The following EXOC4 variants were observed in gnomAD, a reference collection of about 807,000 sequenced individuals.
The protein encoded by EXOC4 is SEC8-like 1.
Under a neutral mutation model 107.2 loss-of-function variants are expected in EXOC4, and 71 were observed. The ratio of observed to expected loss-of-function variants is 0.66; its 90% CI spans 0.55 to 0.81. EXOC4 has a LOEUF of 0.81. EXOC4 is among the 30% of genes least tolerant of loss of function. The probability of loss-of-function intolerance (pLI) is 0.00; values close to 1 mark genes in which losing one functional copy is unlikely to be tolerated. For missense variants in EXOC4, 1,108 were observed against 1,189.6 expected (o/e 0.93, Z 1.01); for synonymous variants, 456 against 441.2 (o/e 1.03, Z -0.42).
chr7:133,288,609 A>T (rs575247865), intron 2 of EXOC4, among the ~76,000 whole-genome samples: 4 of 152,304 alleles, frequency 2.6e-5, no homozygotes, highest in Middle Eastern at 3.4e-3. Context: ...TTTTAGATAT[A>T]TTAATATTTA....
At chr7:133,276,755 G>A (rs996028704) in intron 2 of EXOC4, among the ~76,000 whole-genome samples, 1 of 152,088 alleles carries the variant, frequency 6.6e-6, no homozygotes, top group African/African-American at 2.4e-5. Flanking sequence ...TATCTGCCCA[G>A]TAACAGCTGT....
chr7:134,019,350 C>A (rs1794978213), intron 17 of EXOC4, among the ~76,000 whole-genome samples: 1 of 152,048 alleles, frequency 6.6e-6, no homozygotes, highest in African/African-American at 2.4e-5. Context: ...AAGGAAAGCT[C>A]CTGCAAGACA....
At chr7:133,275,244 A>ACTACCATGGC in intron 2 of EXOC4, 73 bp downstream of exon 2, 1 of 1,245,566 alleles carries the variant, frequency 8.0e-7, no homozygotes, top group Non-Finnish European at 1.1e-6. Flanking sequence ...GAGAGGAGCC[A>ACTACCATGGC]TGGTAGTGGC....
At chr7:134,039,306 A>G (rs530130209) in intron 17 of EXOC4, among the ~76,000 whole-genome samples, 3 of 152,282 alleles carry the variant, frequency 2.0e-5, no homozygotes, top group South Asian at 2.1e-4. Flanking sequence ...GGAGTGCATG[A>G]TAAAGCTTCA....
At chr7:133,440,192 T>A (rs1008871602) in intron 7 of EXOC4, among the ~76,000 whole-genome samples, 1 of 152,202 alleles carries the variant, frequency 6.6e-6, no homozygotes, top group Non-Finnish European at 1.5e-5. Context: ...TCTTGAACAC[T>A]ACAATGGCTT....
intron 12 of EXOC4, among the ~76,000 whole-genome samples, chr7:133,903,406 G>A (rs1462916617): frequency 2.0e-5 from 3 of 152,184 alleles, no homozygotes; most frequent in African/African-American, 7.2e-5. Context: ...TTGCACTGTT[G>A]GTAGCAGCAG....
At chr7:133,605,357 A>T (rs1384585828) in intron 9 of EXOC4, among the ~76,000 whole-genome samples, 3 of 152,048 alleles carry the variant, frequency 2.0e-5, no homozygotes, top group Non-Finnish European at 4.4e-5. Context: ...TATTTCTATC[A>T]TTTTTATCAC....
chr7:133,461,085 G>T (rs1343595463), intron 7 of EXOC4, among the ~76,000 whole-genome samples: 2 of 152,188 alleles, frequency 1.3e-5, no homozygotes, highest in Non-Finnish European at 2.9e-5. Context: ...GTCCTTGAAA[G>T]AAGGCTAGAA....
At chr7:133,651,684 T>C (rs1349188064) in intron 10 of EXOC4, among the ~76,000 whole-genome samples, 2 of 152,126 alleles carry the variant, frequency 1.3e-5, no homozygotes, top group East Asian at 3.9e-4. Context: ...TCAAACTGTA[T>C]TTTTTAAATA....
the EXOC4 span, among the ~76,000 whole-genome samples, chr7:134,077,753 A>T: frequency 6.6e-6 from 1 of 152,164 alleles, no homozygotes; most frequent in Non-Finnish European, 1.5e-5. Context: ...GATGTCTGTT[A>T]TCTAGGTTTG....
At chr7:133,525,720 T>G (rs1283437332) in intron 9 of EXOC4, among the ~76,000 whole-genome samples, 1 of 152,148 alleles carries the variant, frequency 6.6e-6, no homozygotes, top group Non-Finnish European at 1.5e-5. Flanking sequence ...ATAGGTGTAA[T>G]TTTGAGATAC....
At chr7:133,963,200 G>C (rs1237454417) in intron 14 of EXOC4, among the ~76,000 whole-genome samples, 1 of 152,264 alleles carries the variant, frequency 6.6e-6, no homozygotes, top group Non-Finnish European at 1.5e-5. Context: ...AGGTATCACA[G>C]AAAGGTTGTT....
chr7:133,318,564 T>C (rs957727221), intron 5 of EXOC4, among the ~76,000 whole-genome samples: 12 of 152,202 alleles, frequency 7.9e-5, no homozygotes, highest in Non-Finnish European at 1.5e-4. Flanking sequence ...TTAGTTCTTA[T>C]AGTTCTTATT....
At chr7:134,037,229 A>G (rs953650124) in intron 17 of EXOC4, among the ~76,000 whole-genome samples, 1 of 152,174 alleles carries the variant, frequency 6.6e-6, no homozygotes, top group Non-Finnish European at 1.5e-5. Flanking sequence ...AGTTTTCTCA[A>G]TCAAAGACTG....
intron 4 of EXOC4, chr7:133,315,362 G>T (rs1057170223): frequency 2.6e-5 from 4 of 152,250 alleles, no homozygotes; most frequent in African/African-American, 9.7e-5. Context: ...TCTCTTTTCG[G>T]TATTGTCGAT....
intron 9 of EXOC4, among the ~76,000 whole-genome samples, chr7:133,551,340 A>G (rs983896165): frequency 6.6e-6 from 1 of 152,108 alleles, no homozygotes; most frequent in African/African-American, 2.4e-5. Flanking sequence ...TTACTATTGT[A>G]TACTTGCTGA....
chr7:134,071,195 A>G (rs1269962479), downstream of EXOC4, among the ~76,000 whole-genome samples: 1 of 152,230 alleles, frequency 6.6e-6, no homozygotes, highest in Non-Finnish European at 1.5e-5. Context: ...CCTACTTTAC[A>G]GAGGAAACTA....
At chr7:133,565,989 T>C (rs1332238842) in intron 9 of EXOC4, among the ~76,000 whole-genome samples, 1 of 152,304 alleles carries the variant, frequency 6.6e-6, no homozygotes, top group East Asian at 1.9e-4. Flanking sequence ...ACAATGTTAG[T>C]GTCTAAATAG....
At chr7:133,669,617 T>C (rs1051042285) in intron 10 of EXOC4, among the ~76,000 whole-genome samples, 5 of 152,346 alleles carry the variant, frequency 3.3e-5, no homozygotes, top group African/African-American at 7.2e-5. Context: ...TGAGAAGATA[T>C]GTCCCTTGAC....
Sources: allele counts gnomAD v4.1 joint callset (sites outside exome capture counted in the v4.1 genomes callset), GRCh38; gene constraint gnomAD v4.1.1; transcripts MANE v1.5; gene names NCBI Gene and HGNC (gene_info 2026-07-23, HGNC 2026-07-21).